The following IRF8 variants were observed in gnomAD, a reference collection of about 807,000 sequenced individuals.
IRF8 encodes the protein interferon consensus sequence binding protein 1.
Under a neutral mutation model 48.7 loss-of-function variants are expected in IRF8, and 14 were observed. The ratio of observed to expected loss-of-function variants is 0.29; its 90% CI spans 0.19 to 0.45. The LOEUF (loss-of-function observed/expected upper bound fraction) is 0.45, where lower values mean the gene tolerates loss of function less well. IRF8 is among the 20% of genes least tolerant of loss of function. IRF8 has a pLI of 1.00. For synonymous variants in IRF8, 278 were observed against 227.3 expected (o/e 1.22, Z -2.01); for missense variants, 493 against 580.7 (o/e 0.85, Z 1.55).
intron 1 of IRF8, among the ~76,000 whole-genome samples, chr16:85,899,821 A>T (rs565061378): frequency 6.6e-6 from 1 of 152,340 alleles, no homozygotes; most frequent in Admixed American, 6.5e-5. Context: ...GAAAAAATTT[A>T]TTGAAAGAAC....
Position 85,914,513 on chromosome 16 carries a change from C to G in IRF8, c.594C>G (p.His198Gln). 3 of 1,614,148 alleles carry G rather than the reference C, an allele frequency of 1.9e-6. No individual in the cohort carries two copies. The highest frequency in any genetic ancestry group is 2.5e-6 in the Non-Finnish European group (3 of 1,180,018). The change falls in exon 6 of 9, where the codon CAC becomes CAG. Residue 198 changes from histidine to glutamine, a missense_variant. Around this residue, in one of 3 missense-constraint regions of IRF8, gnomAD observed 408 missense variants for 449.6 expected, o/e 0.91. Transcript: ENST00000268638. The stretch of plus-strand genomic sequence containing the variant: ...CGGGGTACACCACCTACGACGCGCA[C>G]CATTCAGGTACGGGGTGGTCCGGGC... ...LVTGYTTYDA[H>Q]HSAFSQMVIS...
intron 6 of IRF8, among the ~76,000 whole-genome samples, chr16:85,917,750 G>A (rs1194971514): frequency 6.6e-6 from 1 of 152,194 alleles, no homozygotes; most frequent in Non-Finnish European, 1.5e-5. Context: ...GAGGTTGGAA[G>A]AATATTGAAG....
chr16:85,914,577 A>G (rs1210517163), intron 6 of IRF8, 57 bp downstream of exon 6: 6 of 1,601,156 alleles, frequency 3.7e-6, no homozygotes, highest in Non-Finnish European at 5.1e-6. Flanking sequence ...CAAAGCCCAG[A>G]TAACCCAAGC....
At chr16:85,912,745 C>T (rs988293695) in intron 4 of IRF8, among the ~76,000 whole-genome samples, 15 of 152,184 alleles carry the variant, frequency 9.9e-5, no homozygotes, top group Non-Finnish European at 2.1e-4. Context: ...GCTCGTTGAG[C>T]GAGATTCTTG....
In IRF8 at chr16:85,921,367, G is replaced by GATCC; in HGVS notation, c.*86_*89dup. 1 of 1,419,346 alleles carries GATCC rather than the reference G, an allele frequency of 7.0e-7. No homozygotes were observed. The highest frequency in any genetic ancestry group is 1.2e-5 in the South Asian group (1 of 86,936). 87.9% of individuals were successfully genotyped at this position (1,419,346 alleles called of 1,614,324 possible). ...GCCCGCATCATGATTAAAGAATGTG[G>GATCC]ATCCCTCTGTCTGGGGTGGGATGCC... is the stretch of plus-strand genomic sequence containing the variant. On this transcript the variant is annotated 3_prime_UTR_variant, in exon 9 of 9. Coordinates refer to ENST00000268638, the MANE Select transcript of IRF8 (RefSeq NM_002163.4).
intron 7 of IRF8, among the ~76,000 whole-genome samples, 165 bp downstream of exon 7, chr16:85,918,968 C>G (rs1567477705): frequency 6.6e-6 from 1 of 152,198 alleles, no homozygotes; most frequent in Non-Finnish European, 1.5e-5. Flanking sequence ...GCACTCTGCC[C>G]TCTCCACTGA....
At chr16:85,913,566 C>A (rs1039928288) in intron 5 of IRF8, among the ~76,000 whole-genome samples, 5 of 152,224 alleles carry the variant, frequency 3.3e-5, no homozygotes, top group African/African-American at 1.2e-4. Context: ...AGGGAAGATG[C>A]AGCTCTTGGC....
chr16:85,914,928 A>C (rs1905255391), intron 6 of IRF8, among the ~76,000 whole-genome samples: 1 of 152,026 alleles, frequency 6.6e-6, no homozygotes, highest in South Asian at 2.1e-4. Flanking sequence ...CTGGACCAGC[A>C]AGTAGACAGA....
rs756036537 is a variant in IRF8, at chr16:85,920,231, A to G, written c.1104+7A>G. On this transcript the variant is annotated splice_region_variant and intron_variant, in intron 8 of 8. Coordinates refer to ENST00000268638, the MANE Select transcript of IRF8 (RefSeq NM_002163.4). The stretch of plus-strand genomic sequence containing the variant: ...CAAACTCATTCTCGTGCAGGTAAGT[A>G]TGGGCAGCTTTTTTTTTTTTTTTTT... 6.2e-6 allele frequency: 5 copies of G among 803,512 alleles called. No individual in the cohort carries two copies. The highest frequency in any genetic ancestry group is 1.0e-5 in the Non-Finnish European group (5 of 482,760). 49.8% of individuals were successfully genotyped at this position (803,512 alleles called of 1,614,324 possible).
Position 85,911,631 on chromosome 16 carries a change from C to T in IRF8, c.420C>T (p.Arg140=). Reference sequence around the variant, plus strand: ...AAGTTACAGAGATGGAGTGCGGTCGCTCTGAAATCGACGAGCTGATCAAGG... The same window carrying T: ...AAGTTACAGAGATGGAGTGCGGTCGTTCTGAAATCGACGAGCTGATCAAGG... ...VNEVTEMECG[R]SEIDELIKEP... is the part of the protein sequence containing the mutation. Residue 140 remains arginine, a synonymous_variant, in exon 4 of 9, where the codon CGC becomes CGT. Transcript: ENST00000268638. 1.2e-6 allele frequency: 2 copies of T among 1,614,112 alleles called. No individual in the cohort carries two copies. The highest frequency in any genetic ancestry group is 2.2e-5 in the East Asian group (1 of 44,890).
intron 1 of IRF8, 196 bp from the exon 2 acceptor site, chr16:85,902,819 C>T: frequency 1.6e-6 from 1 of 636,692 alleles, no homozygotes; most frequent in Admixed American, 2.3e-5. Flanking sequence ...TTTCAGTTTG[C>T]ACTCAGGGCT....
Position 85,921,884 on chromosome 16 carries a change from T to A in IRF8, c.*602T>A, listed in dbSNP as rs1237033526. ...CTAGAATTTGGTGCAGGAATATGTGTTCATATCCAGGCAAACGGGTGTGTT... is the reference window on the plus strand; with the variant it reads ...CTAGAATTTGGTGCAGGAATATGTGATCATATCCAGGCAAACGGGTGTGTT... On this transcript the variant is annotated 3_prime_UTR_variant, in exon 9 of 9. Transcript: ENST00000268638. 1 of 155,046 alleles carries A rather than the reference T, an allele frequency of 6.4e-6. No homozygotes were observed. Among genetic ancestry groups the A allele is most frequent in the Non-Finnish European group, 1.4e-5 (1 of 69,896 alleles). 9.6% of individuals were successfully genotyped at this position (155,046 alleles called of 1,614,324 possible). A position where few individuals can be genotyped will look rare whatever the true frequency, so the allele number is the denominator to read the frequency against.
At position 85,921,364 on chromosome 16, in the gene IRF8, G is replaced by C; in HGVS notation, c.*82G>C. 1 of 1,442,812 alleles carries C rather than the reference G, an allele frequency of 6.9e-7. No homozygotes were observed. Among genetic ancestry groups the C allele is most frequent in the East Asian group, 2.3e-5 (1 of 44,114 alleles). The allele number at this position is 1,442,812 out of a possible 1,614,324, so 89.4% of individuals were successfully genotyped here. ...GTGGCCCGCATCATGATTAAAGAAT[G>C]TGGATCCCTCTGTCTGGGGTGGGAT... On this transcript the variant is annotated 3_prime_UTR_variant, in exon 9 of 9. Transcript: ENST00000268638.
At position 85,918,812 on chromosome 16, in the gene IRF8, C is replaced by A. The variant is rs773129098; in HGVS notation, c.988+9C>A. ...CAGCCAGTTCTTCCGAGGTCTGTACCGTCGTCACCTTGCTGCCCCCACATC... is the reference window on the plus strand; with the variant it reads ...CAGCCAGTTCTTCCGAGGTCTGTACAGTCGTCACCTTGCTGCCCCCACATC... On this transcript the variant is annotated intron_variant, in intron 7 of 8. Transcript: ENST00000268638. The A allele has an allele frequency of 1.4e-5, 22 of 1,605,830 alleles. No homozygotes were observed. The highest frequency in any genetic ancestry group is 1.9e-5 in the Non-Finnish European group (22 of 1,179,978).
intron 2 of IRF8, 58 bp from the exon 3 acceptor site, chr16:85,908,932 C>T (rs1047691624): frequency 2.0e-5 from 28 of 1,433,628 alleles, no homozygotes; most frequent in Middle Eastern, 3.5e-4. Flanking sequence ...GTCATGGTGA[C>T]GGATATTTGT....
At position 85,921,453 on chromosome 16, in the gene IRF8, G is replaced by T; in HGVS notation, c.*171G>T. The T allele has an allele frequency of 1.4e-6, 1 of 737,604 alleles. No individual in the cohort carries two copies. Among genetic ancestry groups the T allele is most frequent in the Non-Finnish European group, 2.3e-6 (1 of 431,168 alleles). 45.7% of individuals were successfully genotyped at this position (737,604 alleles called of 1,614,324 possible). On this transcript the variant is annotated 3_prime_UTR_variant, in exon 9 of 9. Coordinates refer to ENST00000268638, the MANE Select transcript of IRF8 (RefSeq NM_002163.4). ...AGGAGTAGACGTTTAATACGAAGTG[G>T]CGGCATAGCCCTGCCGAGATGTCGG...
At chr16:85,909,235 C>A (rs746826757) in intron 3 of IRF8, 62 bp downstream of exon 3, 3 of 1,435,628 alleles carry the variant, frequency 2.1e-6, no homozygotes, top group Non-Finnish European at 2.9e-6. Flanking sequence ...GCCTTCACCA[C>A]AGAACTTGGG....
chr16:85,913,144 A>C lies in IRF8; in HGVS notation c.461A>C (p.Asp154Ala). The C allele has an allele frequency of 6.2e-7, 1 of 1,614,062 alleles. No individual in the cohort carries two copies. The highest frequency in any genetic ancestry group is 1.3e-5 in the African/African-American group (1 of 75,044). Residue 154 changes from aspartate to alanine, a missense_variant, in exon 5 of 9, where the codon GAT (aspartate) becomes GCT (alanine). By Grantham distance (126) the Asp-to-Ala change is moderately radical. Transcript: ENST00000268638. The part of the protein sequence containing the change: ...DELIKEPSVD[D>A]YMGMIKRSPS... Reference sequence around the variant, plus strand: ...CTGACTGTGCAGCCTTCTGTGGACGATTACATGGGGATGATCAAAAGGAGC... The same window carrying C: ...CTGACTGTGCAGCCTTCTGTGGACGCTTACATGGGGATGATCAAAAGGAGC...
intron 1 of IRF8, among the ~76,000 whole-genome samples, chr16:85,899,947 A>G (rs1904776062): frequency 6.6e-6 from 1 of 152,230 alleles, no homozygotes; most frequent in African/African-American, 2.4e-5. Flanking sequence ...AATTTTCCAG[A>G]ATTTTAAGAA....
Sources: allele counts gnomAD v4.1 joint callset (sites outside exome capture counted in the v4.1 genomes callset), GRCh38; gene constraint gnomAD v4.1.1; regional missense constraint gnomAD v4.1.1; transcripts MANE v1.5; gene names NCBI Gene and HGNC (gene_info 2026-07-23, HGNC 2026-07-21).